LOC400499: variants seen among roughly 807,000 people sequenced by gnomAD.
chr16:11,384,617 C>T, the LOC400499 span, among the ~76,000 whole-genome samples: 1 of 152,190 alleles, frequency 6.6e-6, no homozygotes, highest in Non-Finnish European at 1.5e-5. Context: ...TGTTCCTTGG[C>T]AGAGGGACGA....
the LOC400499 span, chr16:11,439,438 C>G: frequency 1.3e-5 from 5 of 398,798 alleles, no homozygotes; most frequent in African/African-American, 1.0e-4. Flanking sequence ...TGCTCAGAGA[C>G]AACCCTTGGC....
chr16:11,501,816 G>A, the LOC400499 span, among the ~76,000 whole-genome samples: 1 of 152,104 alleles, frequency 6.6e-6, no homozygotes, highest in Non-Finnish European at 1.5e-5. Context: ...GGGAACAATG[G>A]CTGTCTTTAT....
At chr16:11,405,163 C>A in the LOC400499 span, among the ~76,000 whole-genome samples, 1 of 152,176 alleles carries the variant, frequency 6.6e-6, no homozygotes, top group Non-Finnish European at 1.5e-5. Context: ...CTCTCTGAGC[C>A]TCAGTTTCCT....
At chr16:11,480,358 C>T in the LOC400499 span, among the ~76,000 whole-genome samples, 2 of 152,212 alleles carry the variant, frequency 1.3e-5, no homozygotes, top group African/African-American at 2.4e-5. Flanking sequence ...GGATTATTGC[C>T]CTGCTCATCC....
At chr16:11,459,157 G>C in the LOC400499 span, among the ~76,000 whole-genome samples, 2 of 150,160 alleles carry the variant, frequency 1.3e-5, no homozygotes. Flanking sequence ...TGCAGGACTG[G>C]ATGTGAAAAG....
the LOC400499 span, among the ~76,000 whole-genome samples, chr16:11,458,218 C>A: frequency 6.6e-6 from 1 of 152,126 alleles, no homozygotes; most frequent in Non-Finnish European, 1.5e-5. Flanking sequence ...TGGTCGTGGG[C>A]GCCTGTAATC....
chr16:11,443,114 A>G, the LOC400499 span, among the ~76,000 whole-genome samples: 1 of 152,056 alleles, frequency 6.6e-6, no homozygotes, highest in Non-Finnish European at 1.5e-5. Context: ...ACCTGAGGTC[A>G]GGAGCTCGAG....
the LOC400499 span, among the ~76,000 whole-genome samples, chr16:11,509,537 T>A: frequency 6.6e-6 from 1 of 151,260 alleles, no homozygotes; most frequent in Non-Finnish European, 1.5e-5. Context: ...AAAATAAAAA[T>A]AGACCACTCT....
At chr16:11,502,483 G>C in the LOC400499 span, among the ~76,000 whole-genome samples, 5 of 152,196 alleles carry the variant, frequency 3.3e-5, no homozygotes, top group Non-Finnish European at 7.3e-5. Flanking sequence ...AACAGGCATA[G>C]TGTCTGAATC....
chr16:11,417,007 G>C, the LOC400499 span, among the ~76,000 whole-genome samples: 1 of 152,130 alleles, frequency 6.6e-6, no homozygotes, highest in African/African-American at 2.4e-5. Flanking sequence ...AGCTTGCCTG[G>C]CATGTATGCA....
the LOC400499 span, among the ~76,000 whole-genome samples, chr16:11,521,549 G>A: frequency 3.9e-5 from 6 of 152,098 alleles, no homozygotes; most frequent in Admixed American, 1.3e-4. Flanking sequence ...GCCTTGCTGG[G>A]AATAGACTTC....
the LOC400499 span, among the ~76,000 whole-genome samples, chr16:11,478,836 G>A: frequency 5.9e-5 from 9 of 152,130 alleles, no homozygotes; most frequent in African/African-American, 2.2e-4. Context: ...CTGAATCATG[G>A]GGGCGGGTCC....
At chr16:11,461,225 T>G in the LOC400499 span, 1 of 1,381,764 alleles carries the variant, frequency 7.2e-7, no homozygotes, top group Non-Finnish European at 9.6e-7. Flanking sequence ...GCCTTGGGGT[T>G]GGGGGCTCCT....
At chr16:11,431,760 G>GTGTT in the LOC400499 span, among the ~76,000 whole-genome samples, 4 of 152,158 alleles carry the variant, frequency 2.6e-5, no homozygotes, top group Admixed American at 6.5e-5. Context: ...GTGAAACAGT[G>GTGTT]TGTTTGCACC....
At chr16:11,509,070 A>AAC in the LOC400499 span, among the ~76,000 whole-genome samples, 2 of 152,076 alleles carry the variant, frequency 1.3e-5, no homozygotes, top group Admixed American at 6.6e-5. Flanking sequence ...GGGCTGGGCA[A>AAC]ACAAACTGTG....
chr16:11,458,686 G>C, the LOC400499 span, among the ~76,000 whole-genome samples: 7 of 152,110 alleles, frequency 4.6e-5, no homozygotes, highest in Admixed American at 2.0e-4. Context: ...AAGTAGTGGT[G>C]ATGGTTGCAC....
At chr16:11,493,744 A>T in the LOC400499 span, 7 of 395,038 alleles carry the variant, frequency 1.8e-5, no homozygotes, top group Non-Finnish European at 2.7e-5. Flanking sequence ...CGTAGGGGTG[A>T]GAGCCATGGC....
At chr16:11,483,538 G>C in the LOC400499 span, among the ~76,000 whole-genome samples, 1 of 152,010 alleles carries the variant, frequency 6.6e-6, no homozygotes, top group Non-Finnish European at 1.5e-5. Flanking sequence ...CTGAATAAAA[G>C]AAGCCAAACA....
the LOC400499 span, chr16:11,488,690 C>G: frequency 2.5e-6 from 1 of 398,922 alleles, no homozygotes; most frequent in Non-Finnish European, 4.4e-6. Context: ...AGGACAGGGG[C>G]TGCCCAGGAT....
Sources: allele counts gnomAD v4.1 joint callset (sites outside exome capture counted in the v4.1 genomes callset), GRCh38; gene constraint gnomAD v4.1.1; transcripts MANE v1.5.